Variants in EDEM2 observed in about 807,000 individuals in gnomAD.
EDEM2 encodes the protein ER degradation enhancing alpha-mannosidase like protein 2.
A neutral mutation model predicts 64.8 loss-of-function variants in EDEM2; 39 were observed. That is an observed-to-expected ratio of 0.60 (90% CI 0.47 to 0.79). The LOEUF is 0.79. Among genes scored for constraint, EDEM2 ranks in the 30% least tolerant of loss-of-function variants. EDEM2 has a pLI of 0.00. For synonymous variants in EDEM2, 296 were observed against 291.5 expected, an observed-to-expected ratio of 1.02 and a Z score of -0.16; for missense variants, 609 against 731.3, an observed-to-expected ratio of 0.83 and a Z score of 1.93.
intron 6 of EDEM2, chr20:35,134,255 C>G: frequency 2.4e-6 from 1 of 418,052 alleles, no homozygotes; most frequent in South Asian, 1.7e-5. Context: ...TTATTCTGCT[C>G]ATGTGCATTC....
chr20:35,134,127 G>A (rs919356504), intron 6 of EDEM2: 2 of 456,138 alleles, frequency 4.4e-6, no homozygotes, highest in Non-Finnish European at 8.8e-6. Flanking sequence ...CTGGTCCAAA[G>A]TGTGTTCAAT....
At chr20:35,124,657 C>G (rs1439922828) in intron 8 of EDEM2, among the ~76,000 whole-genome samples, 1 of 152,208 alleles carries the variant, frequency 6.6e-6, no homozygotes, top group Non-Finnish European at 1.5e-5. Flanking sequence ...CATCACCCAT[C>G]TTGCCTGGCC....
chr20:35,147,212 A>G lies in EDEM2; in HGVS notation c.47T>C (p.Leu16Pro), dbSNP rs766382507. 6.2e-7 allele frequency: 1 copy of G among 1,601,586 alleles called. No homozygotes were observed. Among genetic ancestry groups the G allele is most frequent in the African/African-American group, 1.3e-5 (1 of 74,674 alleles). The change falls in exon 1 of 11, where the codon CTG (leucine) becomes CCG (proline). Residue 16 changes from leucine to proline, a missense_variant. By Grantham distance (98) the Leu-to-Pro change is moderately conservative. Transcript: ENST00000374492. Reference protein sequence around the residue: ...LIPLGLLCALLPQHHGAPGPD... With the variant: ...LIPLGLLCALPPQHHGAPGPD... ...ACCTGGCGCACCATGGTGCTGAGGC[A>G]GCAGCGCGCACAGGAGGCCGAGCGG...
intron 9 of EDEM2, among the ~76,000 whole-genome samples, chr20:35,122,051 A>G (rs1294841928): frequency 6.6e-6 from 1 of 152,094 alleles, no homozygotes; most frequent in Non-Finnish European, 1.5e-5. Flanking sequence ...AGGCTTCCAG[A>G]GTGCTGGGAT....
chr20:35,117,344 C>T (rs997718427), intron 10 of EDEM2: 1 of 152,188 alleles, frequency 6.6e-6, no homozygotes, highest in Admixed American at 6.5e-5. Flanking sequence ...CTCTATCTTA[C>T]ATTTAAAAAT....
intron 7 of EDEM2, among the ~76,000 whole-genome samples, chr20:35,128,340 A>G (rs931677888): frequency 2.7e-5 from 4 of 149,038 alleles, no homozygotes; most frequent in Non-Finnish European, 5.9e-5. Flanking sequence ...CGGAGATCAC[A>G]CCACTGCACT....
At chr20:35,116,793 G>T (rs1202073866) in intron 10 of EDEM2, among the ~76,000 whole-genome samples, 1 of 145,662 alleles carries the variant, frequency 6.9e-6, no homozygotes, top group African/African-American at 2.5e-5. Flanking sequence ...TGATTACCAA[G>T]TTTTTTTTTT....
intron 7 of EDEM2, among the ~76,000 whole-genome samples, chr20:35,127,724 G>A (rs2085453282): frequency 6.6e-6 from 1 of 152,178 alleles, no homozygotes; most frequent in Non-Finnish European, 1.5e-5. Flanking sequence ...CTTATGTGAG[G>A]AGAATACGTT....
chr20:35,120,930 C>T, intron 9 of EDEM2, among the ~76,000 whole-genome samples: 1 of 152,166 alleles, frequency 6.6e-6, no homozygotes. Flanking sequence ...GGGCCAGTGC[C>T]CTCATGACCA....
chr20:35,132,479 C>T (rs1421900784), intron 6 of EDEM2, among the ~76,000 whole-genome samples: 1 of 151,872 alleles, frequency 6.6e-6, no homozygotes, highest in Non-Finnish European at 1.5e-5. Flanking sequence ...CATGGTAAAA[C>T]CCTGTCTCTA....
chr20:35,124,633 G>C (rs1346657502), intron 8 of EDEM2, among the ~76,000 whole-genome samples: 2 of 152,108 alleles, frequency 1.3e-5, no homozygotes, highest in Admixed American at 1.3e-4. Context: ...CTTCCAAAGT[G>C]CTGGGATTAC....
chr20:35,137,054 A>T (rs1260417970), intron 5 of EDEM2, among the ~76,000 whole-genome samples: 1 of 152,180 alleles, frequency 6.6e-6, no homozygotes, highest in African/African-American at 2.4e-5. Context: ...ACCTCATTTT[A>T]GCCTCTCCAA....
intron 2 of EDEM2, among the ~76,000 whole-genome samples, chr20:35,145,675 C>T (rs1022908827): frequency 2.6e-5 from 4 of 152,148 alleles, no homozygotes; most frequent in African/African-American, 7.2e-5. Context: ...TTTAAAGTGA[C>T]AGAAGTGTTT....
At chr20:35,132,296 C>A (rs1402473856) in intron 6 of EDEM2, among the ~76,000 whole-genome samples, 2 of 151,854 alleles carry the variant, frequency 1.3e-5, no homozygotes, top group African/African-American at 4.8e-5. Context: ...CACTGAGTAC[C>A]CTTTTTTGTA....
intron 5 of EDEM2, 38 bp from the exon 6 acceptor site, chr20:35,134,987 G>T: frequency 2.5e-6 from 4 of 1,600,650 alleles, no homozygotes; most frequent in Non-Finnish European, 3.4e-6. Context: ...GACAGGAGCA[G>T]GGGGATAGGG....
chr20:35,117,902 A>C (rs1474812558), intron 10 of EDEM2, among the ~76,000 whole-genome samples: 1 of 152,102 alleles, frequency 6.6e-6, no homozygotes, highest in Non-Finnish European at 1.5e-5. Flanking sequence ...AATCCTACCA[A>C]GGGTTCACAT....
chr20:35,128,348 A>C (rs2085464091), intron 7 of EDEM2, among the ~76,000 whole-genome samples: 1 of 149,770 alleles, frequency 6.7e-6, no homozygotes, highest in Non-Finnish European at 1.5e-5. Context: ...ACACCACTGC[A>C]CTCCAGCCTG....
chr20:35,123,783 A>T lies in EDEM2; in HGVS notation c.1114+107T>A. 3 of 1,386,552 alleles carry T rather than the reference A, an allele frequency of 2.2e-6. No homozygotes were observed. The South Asian group carries it at 4.2e-5, about 20-fold the overall frequency. The allele number at this position is 1,386,552 out of a possible 1,614,324, so 85.9% of individuals were successfully genotyped here. ...GAGCCACTGAAAGGAACAGATGGAA[A>T]GAAATGAACTTGTGGGCAGTTGTGG... On this transcript the variant is annotated intron_variant, in intron 9 of 10. Coordinates refer to ENST00000374492, the MANE Select transcript of EDEM2 (RefSeq NM_018217.3).
intron 2 of EDEM2, 26 bp from the exon 3 acceptor site, chr20:35,145,044 G>T (rs143044157): frequency 6.2e-7 from 1 of 1,612,916 alleles, no homozygotes; most frequent in Non-Finnish European, 8.5e-7. Context: ...AATCCCAGCC[G>T]CTTAGTAAGA....
Sources: gnomAD v4.1 joint callset for allele counts (sites outside exome capture counted in the v4.1 genomes callset) on GRCh38, gnomAD v4.1.1 for gene constraint, MANE v1.5 for transcripts, NCBI Gene and HGNC (gene_info 2026-07-23, HGNC 2026-07-21) for gene names.